IQGAP2: variants seen among roughly 807,000 people sequenced by gnomAD.
IQGAP2 encodes the protein ras GTPase-activating-like protein IQGAP2.
A neutral mutation model predicts 201.3 loss-of-function variants in IQGAP2; 173 were observed. The observed-to-expected ratio is 0.86, with a 90% CI of 0.76 to 0.98. The LOEUF (loss-of-function observed/expected upper bound fraction) is 0.98, where lower values mean the gene tolerates loss of function less well. IQGAP2 is among the 50% of genes least tolerant of loss of function. The probability of loss-of-function intolerance (pLI) is 0.00; values close to 1 mark genes in which losing one functional copy is unlikely to be tolerated. For synonymous variants in IQGAP2, 675 were observed against 673.9 expected (o/e 1.00, Z -0.03); for missense variants, 1,687 against 1,864.8 (o/e 0.90, Z 1.76).
chr5:76,515,982 A>G (rs556668043), intron 2 of IQGAP2, among the ~76,000 whole-genome samples: 33 of 150,758 alleles, frequency 2.2e-4, no homozygotes, highest in Admixed American at 1.3e-3. Flanking sequence ...GGCTCAAGCA[A>G]TTGTTCCACT....
intron 2 of IQGAP2, among the ~76,000 whole-genome samples, chr5:76,533,168 G>GTT: frequency 6.7e-6 from 1 of 149,018 alleles, no homozygotes; most frequent in South Asian, 2.1e-4. Flanking sequence ...GCAGATGGGT[G>GTT]TTTTTTTTTT....
intron 12 of IQGAP2, chr5:76,608,913 G>T (rs1748029030): frequency 1.9e-6 from 1 of 537,268 alleles, no homozygotes; most frequent in African/African-American, 1.9e-5. Context: ...CTCTCTTGTG[G>T]ACTAGAATGT....
intron 13 of IQGAP2, among the ~76,000 whole-genome samples, chr5:76,619,511 CTTCT>C (rs1438898984): frequency 7.0e-5 from 9 of 128,328 alleles, no homozygotes; most frequent in Non-Finnish European, 1.1e-4. Flanking sequence ...AGTTAAGGAT[CTTCT>C]TTTTTTTTTT....
chr5:76,449,106 G>A (rs1452969955), intron 1 of IQGAP2, among the ~76,000 whole-genome samples: 1 of 152,168 alleles, frequency 6.6e-6, no homozygotes, highest in African/African-American at 2.4e-5. Flanking sequence ...AGGGTGGAGG[G>A]GAATGGCCCT....
chr5:76,645,448 A>G (rs1751959618), intron 17 of IQGAP2, among the ~76,000 whole-genome samples: 2 of 152,236 alleles, frequency 1.3e-5, no homozygotes, highest in Non-Finnish European at 2.9e-5. Context: ...TGGTTGAACT[A>G]AGTTACACTC....
At position 76,680,215 on chromosome 5, in the gene IQGAP2, G is replaced by C. The variant is rs565492143; in HGVS notation, c.3660+2865G>C. 5.9e-5 allele frequency among the ~76,000 whole-genome samples: 9 copies of C among 152,320 alleles called. No individual in the cohort carries two copies. The East Asian group carries it at 1.7e-3, about 29-fold the overall frequency. On this transcript the variant is annotated intron_variant, in intron 28 of 35. Transcript: ENST00000274364. ...ATCACATTTATGGTTAATTCATTCTGACAGGGGACTAAGTTCAATGGGAAA... is the reference window on the plus strand; with the variant it reads ...ATCACATTTATGGTTAATTCATTCTCACAGGGGACTAAGTTCAATGGGAAA...
At chr5:76,480,660 CA>C (rs1755724470) in intron 2 of IQGAP2, among the ~76,000 whole-genome samples, 1 of 152,170 alleles carries the variant, frequency 6.6e-6, no homozygotes, top group Non-Finnish European at 1.5e-5. Flanking sequence ...AATACAGCCC[CA>C]ATGTGTCAAT....
chr5:76,533,369 C>T (rs1466825012), intron 2 of IQGAP2, among the ~76,000 whole-genome samples: 2 of 152,138 alleles, frequency 1.3e-5, no homozygotes, highest in African/African-American at 4.8e-5. Context: ...CAACACTTTA[C>T]AAAATTGATC....
intron 30 of IQGAP2, among the ~76,000 whole-genome samples, chr5:76,690,938 C>T (rs1011528121): frequency 1.3e-5 from 2 of 152,164 alleles, no homozygotes; most frequent in Non-Finnish European, 2.9e-5. Context: ...TCACAGAAGG[C>T]TTTAGATCTT....
At chr5:76,622,378 A>G (rs1005650187) in intron 13 of IQGAP2, among the ~76,000 whole-genome samples, 54 of 152,214 alleles carry the variant, frequency 3.5e-4, no homozygotes, top group African/African-American at 1.3e-3. Context: ...CAGGGATTCC[A>G]AATGTGAATT....
At chr5:76,426,396 A>C (rs1034365317) in intron 1 of IQGAP2, among the ~76,000 whole-genome samples, 2 of 152,312 alleles carry the variant, frequency 1.3e-5, no homozygotes, top group East Asian at 3.9e-4. Context: ...GTGCAATGAC[A>C]TTCACTTTCC....
intron 9 of IQGAP2, among the ~76,000 whole-genome samples, chr5:76,593,321 T>G (rs1048171333): frequency 2.0e-5 from 3 of 149,696 alleles, no homozygotes; most frequent in Non-Finnish European, 4.4e-5. Flanking sequence ...ACACCACTGC[T>G]CTCTGTGACT....
chr5:76,612,575 G>T lies in IQGAP2; in HGVS notation c.1521+1392G>T, dbSNP rs181305694. On this transcript the variant is annotated intron_variant, in intron 13 of 35. Coordinates refer to ENST00000274364, the MANE Select transcript of IQGAP2 (RefSeq NM_006633.5). The stretch of plus-strand genomic sequence containing the variant: ...AGTCCTGAGACTACATGCAGCTCAG[G>T]TCTGTCTGATTCGGAAACATTATAA... Among the ~76,000 whole-genome samples the T allele has an allele frequency of 5.8e-4, 88 of 152,272 alleles. 1 individual carries two copies. Among genetic ancestry groups the T allele is most frequent in the Non-Finnish European group, 8.8e-4 (60 of 68,024 alleles).
chr5:76,701,063 C>T lies in IQGAP2; in HGVS notation c.4368-13C>T, dbSNP rs1426679908. ...CCATCATAACAACAAATGTTCTGTT[C>T]TTATTTTGTCAGAAATACTCGGAGA... On this transcript the variant is annotated splice_polypyrimidine_tract_variant and intron_variant, in intron 33 of 35. Transcript: ENST00000274364. 5.0e-6 allele frequency: 8 copies of T among 1,613,508 alleles called. No individual in the cohort carries two copies. In the Admixed American group the frequency reaches 1.2e-4, roughly 24 times the overall value.
chr5:76,454,578 T>C (rs1753960329), intron 1 of IQGAP2, among the ~76,000 whole-genome samples: 2 of 151,982 alleles, frequency 1.3e-5, no homozygotes, highest in African/African-American at 4.8e-5. Context: ...TTGCTGAGAA[T>C]GATGGTTTCC....
rs751795393 is a variant in IQGAP2, at chr5:76,673,517, C to T, written c.3137C>T (p.Ala1046Val). 1 of 1,613,972 alleles carries T rather than the reference C, an allele frequency of 6.2e-7. No homozygotes were observed. Among genetic ancestry groups the T allele is most frequent in the Non-Finnish European group, 8.5e-7 (1 of 1,179,844 alleles). ...CCAGAAGTGAAAAATAAACTGGAGG[C>T]TTCCATTGAGAACCTGAGAAGGGTC... ...TYPEVKNKLE[A>V]SIENLRRVTD... Residue 1046 changes from alanine (A) to valine (V), a missense_variant, in exon 25 of 36, where the codon GCT (alanine) becomes GTT (valine). Transcript: ENST00000274364.
intron 17 of IQGAP2, among the ~76,000 whole-genome samples, chr5:76,648,692 CT>C (rs1391823256): frequency 3.3e-5 from 5 of 152,236 alleles, no homozygotes; most frequent in Admixed American, 1.3e-4. Context: ...AAACTAAAGC[CT>C]CAGCAAAGAA....
At chr5:76,618,733 G>A in intron 13 of IQGAP2, 2 of 1,124,178 alleles carry the variant, frequency 1.8e-6, no homozygotes, top group South Asian at 3.2e-5. Context: ...TGTGATTGTA[G>A]AATTTAAGAT....
Position 76,403,334 on chromosome 5 carries a change from A to G in IQGAP2, c.-212A>G, listed in dbSNP as rs116588852. 3.4e-3 allele frequency: 1,302 copies of G among 386,680 alleles called. 17 individuals carry two copies. Among genetic ancestry groups the G allele is most frequent in the African/African-American group, 0.025 (1,192 of 47,470 alleles). 24.0% of individuals were successfully genotyped at this position (386,680 alleles called of 1,614,324 possible). On this transcript the variant is annotated 5_prime_UTR_variant, in exon 1 of 36. Transcript: ENST00000274364. This position sits in a 1 kb window ranked among gnomAD's most constrained non-coding sequence, Gnocchi z 4.8. ...GACCGGCCAGGGAGCGAGGGAGGAG[A>G]GTTCACTTTTACTTCAGTGTCAGCG...
Sources: allele counts gnomAD v4.1 joint callset (sites outside exome capture counted in the v4.1 genomes callset), GRCh38; gene constraint gnomAD v4.1.1; non-coding constraint Gnocchi (gnomAD v3.1); transcripts MANE v1.5; gene names NCBI Gene and HGNC (gene_info 2026-07-23, HGNC 2026-07-21).